ENOSF1: variants seen among roughly 807,000 people sequenced by gnomAD.
The protein encoded by ENOSF1 is enolase superfamily member 1.
In ENOSF1, 73 loss-of-function variants were observed where a neutral mutation model predicts 68.2. The observed-to-expected ratio is 1.07, with a 90% CI of 0.89 to 1.30. The LOEUF (loss-of-function observed/expected upper bound fraction) is 1.30. Among genes scored for constraint, ENOSF1 ranks in the 50% most tolerant of loss-of-function variants. The pLI, the probability that ENOSF1 is intolerant of heterozygous loss-of-function variation, is 0.00. For synonymous variants in ENOSF1, 223 were observed against 210.4 expected (o/e 1.06, Z -0.52); for missense variants, 589 against 554.5 (o/e 1.06, Z -0.62).
At chr18:688,817 G>A (rs2076873366) in intron 8 of ENOSF1, among the ~76,000 whole-genome samples, 1 of 152,130 alleles carries the variant, frequency 6.6e-6, no homozygotes, top group Non-Finnish European at 1.5e-5. Context: ...CATCTCTATG[G>A]GAACCATTTT....
At chr18:690,717 G>GAGAGTCCAGCTGTTTCCCCTGT (rs2077059463) in intron 7 of ENOSF1, 86 bp from the exon 8 acceptor site, 28 of 1,582,248 alleles carry the variant, frequency 1.8e-5, no homozygotes, top group Non-Finnish European at 2.4e-5. Flanking sequence ...GTTTCCCCTG[G>GAGAGTCCAGCTGTTTCCCCTGT]AGAGTCCAGC....
At chr18:670,268 A>G (rs1171119299), downstream of ENOSF1, 2 of 156,082 alleles carry the variant, frequency 1.3e-5, no homozygotes, top group African/African-American at 2.4e-5. Context: ...GCCTCAAGTG[A>G]TCTGCCCACC....
chr18:667,239 A>AGATGGTGATGGT (rs1264608229), downstream of ENOSF1, among the ~76,000 whole-genome samples: 1 of 13,450 alleles, frequency 7.4e-5, no homozygotes, highest in Non-Finnish European at 1.2e-4. Context: ...ATGGAGATGG[A>AGATGGTGATGGT]GATGGTGATG....
Position 671,630 on chromosome 18 carries a change from C to T in ENOSF1, c.*2675G>A, listed in dbSNP as rs2075054362. Reference sequence around the variant, plus strand: ...AGGACAAGGCAGGCATCTGCCTCAGCAACCATGGGCACTTAACATGTCAGG... The same window carrying T: ...AGGACAAGGCAGGCATCTGCCTCAGTAACCATGGGCACTTAACATGTCAGG... On this transcript the variant is annotated 3_prime_UTR_variant, in exon 16 of 16. Transcript: ENST00000647584. 1 of 625,186 alleles carries T rather than the reference C, an allele frequency of 1.6e-6. No homozygotes were observed. The highest frequency in any genetic ancestry group is 2.8e-6 in the Non-Finnish European group (1 of 354,992). The allele number at this position is 625,186 out of a possible 1,614,324, so 38.7% of individuals were successfully genotyped here.
At chr18:689,221 A>T (rs1345680810) in intron 8 of ENOSF1, among the ~76,000 whole-genome samples, 1 of 152,186 alleles carries the variant, frequency 6.6e-6, no homozygotes, top group Non-Finnish European at 1.5e-5. Context: ...TGCGGTCCAC[A>T]AAATGAATGG....
At chr18:674,490 T>G in intron 15 of ENOSF1, 84 bp from the exon 16 acceptor site, 1 of 859,124 alleles carries the variant, frequency 1.2e-6, no homozygotes, top group Non-Finnish European at 1.9e-6. Context: ...CTCCAAGAAA[T>G]GCTTTTACGT....
chr18:674,222 T>C lies in ENOSF1; in HGVS notation c.*83A>G. The C allele has an allele frequency of 1.0e-6, 1 of 961,866 alleles. No individual in the cohort carries two copies. Among genetic ancestry groups the C allele is most frequent in the Non-Finnish European group, 1.6e-6 (1 of 625,728 alleles). 59.6% of individuals were successfully genotyped at this position (961,866 alleles called of 1,614,324 possible). A position where few individuals can be genotyped will look rare whatever the true frequency, so the allele number is the denominator to read the frequency against. The stretch of plus-strand genomic sequence containing the variant: ...AACTCATCTTGATCGGTAGGATTTT[T>C]TAAATCCATTTTTGTAAAACTATTT... On this transcript the variant is annotated 3_prime_UTR_variant, in exon 16 of 16. Transcript: ENST00000647584.
Position 683,308 on chromosome 18 carries a change from G to A in ENOSF1, c.814C>T (p.Pro272Ser). 1 of 1,614,158 alleles carries A rather than the reference G, an allele frequency of 6.2e-7. No homozygotes were observed. The highest frequency in any genetic ancestry group is 2.2e-5 in the East Asian group (1 of 44,852). The stretch of plus-strand genomic sequence containing the variant: ...GAGGTTGGCTCCTCAATCCACAATG[G>A]CTTGAACTTGGCCAGCTTGGACATC... ...EWMSKLAKFK[P>S]LWIEEPTSPD... Residue 272 changes from proline (P) to serine (S), a missense_variant, in exon 11 of 16, where the codon CCA becomes TCA. Physicochemically the swap from Pro to Ser is moderately conservative, Grantham distance 74 (BLOSUM62 -1). Coordinates refer to ENST00000647584, the MANE Select transcript of ENOSF1 (RefSeq NM_017512.7).
rs750805379 is a variant in ENOSF1, at chr18:674,324, A to G, written c.1313T>C (p.Leu438Pro). 1.9e-6 allele frequency: 3 copies of G among 1,610,728 alleles called. No homozygotes were observed. The highest frequency in any genetic ancestry group is 1.3e-5 in the African/African-American group (1 of 74,588). ...GAGCACTTAATTTTCTTGAGCAGGAAGGAGTTTCTTCCAAACTTCACCATC... is the reference window on the plus strand; with the variant it reads ...GAGCACTTAATTTTCTTGAGCAGGAGGGAGTTTCTTCCAAACTTCACCATC... ...YPDGEVWKKL[L>P]PAQEN The change falls in exon 16 of 16, where the codon CTT (leucine) becomes CCT (proline). Residue 438 changes from leucine (L) to proline (P), a missense_variant. Leu to Pro is a moderately conservative substitution (Grantham distance 98). Coordinates refer to ENST00000647584, the MANE Select transcript of ENOSF1 (RefSeq NM_017512.7).
At chr18:674,645 T>C (rs9953424) in intron 15 of ENOSF1, among the ~76,000 whole-genome samples, 60,460 of 151,886 alleles carry the variant, frequency 0.4, 13,113 homozygotes, top group East Asian at 0.69. Flanking sequence ...CAGCCTCCCA[T>C]GTAGCTGGGA....
At chr18:710,266 G>A (rs954435763) in intron 1 of ENOSF1, among the ~76,000 whole-genome samples, 2 of 152,104 alleles carry the variant, frequency 1.3e-5, no homozygotes, top group Non-Finnish European at 2.9e-5. Flanking sequence ...ATGCAACTAC[G>A]CCCAGCTAAT....
intron 10 of ENOSF1, among the ~76,000 whole-genome samples, chr18:685,145 T>C (rs770151058): frequency 2.6e-5 from 4 of 152,110 alleles, no homozygotes; most frequent in Non-Finnish European, 4.4e-5. Flanking sequence ...ATTATAGGCA[T>C]GAGCCATATA....
chr18:670,045 AT>A (rs34118802), downstream of ENOSF1, among the ~76,000 whole-genome samples: 1,530 of 138,460 alleles, frequency 0.011, 16 homozygotes, highest in Non-Finnish European at 0.015. Flanking sequence ...ATAGAGACTT[AT>A]TTTTTTTTTT....
rs1055882736 is a variant in ENOSF1, at chr18:678,046, T to C, written c.919-174A>G. On this transcript the variant is annotated intron_variant, in intron 12 of 15. Transcript: ENST00000647584. ...GGGCATGAGGCGAGCTTTTATAGCG[T>C]GGGCAGGGACCTTGTGCTCACTTCT... 1.3e-5 allele frequency: 9 copies of C among 680,568 alleles called. No homozygotes were observed. In the African/African-American group the frequency reaches 1.5e-4, roughly 11 times the overall value. 42.2% of individuals were successfully genotyped at this position (680,568 alleles called of 1,614,324 possible).
rs1555673646 is a variant in ENOSF1 at position 706,801 on chromosome 18, G to GTATATATA, written c.85-231_85-224dup. The GTATATATA allele has an allele frequency of 9.4e-3, 1,420 of 151,090 alleles. 32 individuals carry two copies. Among genetic ancestry groups the GTATATATA allele is most frequent in the East Asian group, 0.032 (178 of 5,628 alleles). 9.4% of individuals were successfully genotyped at this position (151,090 alleles called of 1,614,324 possible). On this transcript the variant is annotated intron_variant, in intron 1 of 15. Transcript: ENST00000647584. ...AAATGTTTCAACAAGAGCAATGTATGTATATATATATATATTTTTTTTTTT... is the reference window on the plus strand; with the variant it reads ...AAATGTTTCAACAAGAGCAATGTATGTATATATATATATATATATATATTTTTTTTTTT...
downstream of ENOSF1, among the ~76,000 whole-genome samples, chr18:668,712 T>TG (rs2074910162): frequency 6.6e-6 from 1 of 152,350 alleles, no homozygotes; most frequent in African/African-American, 2.4e-5. Context: ...GAATCGCTGA[T>TG]GGGTTTAGAG....
intron 2 of ENOSF1, among the ~76,000 whole-genome samples, chr18:704,385 G>A (rs967792204): frequency 1.0e-4 from 14 of 139,330 alleles, no homozygotes; most frequent in East Asian, 2.2e-4. Flanking sequence ...GCGAGATTGC[G>A]CCACTGCACT....
At chr18:699,617 G>C (rs949034072) in intron 2 of ENOSF1, among the ~76,000 whole-genome samples, 7 of 152,186 alleles carry the variant, frequency 4.6e-5, no homozygotes, top group Non-Finnish European at 7.3e-5. Flanking sequence ...CACAATAATT[G>C]AATCAAGCCA....
downstream of ENOSF1, among the ~76,000 whole-genome samples, chr18:667,565 TGATGGA>T (rs1356120076): frequency 3.0e-3 from 183 of 60,230 alleles, 13 homozygotes; most frequent in East Asian, 3.8e-3. Context: ...ATGGTGATGG[TGATGGA>T]GATGGTGATG....
Sources: gnomAD v4.1 joint callset for allele counts (sites outside exome capture counted in the v4.1 genomes callset) on GRCh38, gnomAD v4.1.1 for gene constraint, MANE v1.5 for transcripts, NCBI Gene and HGNC (gene_info 2026-07-23, HGNC 2026-07-21) for gene names.